Variants in RAB3GAP2 observed in about 807,000 individuals in gnomAD.
RAB3GAP2 encodes the protein RAB3 GTPase activating non-catalytic protein subunit 2.
RAB3GAP2 carries 87 observed loss-of-function variants against 185.3 expected under a neutral mutation model. The observed-to-expected ratio is 0.47, with a 90% confidence interval of 0.39 to 0.56. The LOEUF is 0.56. Among genes scored for constraint, RAB3GAP2 ranks in the 20% least tolerant of loss-of-function variants. The pLI is 0.00. For missense variants in RAB3GAP2, 1,492 were observed against 1,638.2 expected (o/e 0.91, Z 1.54); for synonymous variants, 554 against 576.1 (o/e 0.96, Z 0.55).
intron 1 of RAB3GAP2, among the ~76,000 whole-genome samples, chr1:220,234,712 T>C (rs1659561061): frequency 1.3e-5 from 2 of 152,076 alleles, no homozygotes; most frequent in South Asian, 4.1e-4. Flanking sequence ...AACCATAATA[T>C]ATGGTGAGTG....
chr1:220,151,386 G>T lies in RAB3GAP2; in HGVS notation c.4047C>A (p.Asn1349Lys). Residue 1349 changes from asparagine (N) to lysine (K), a missense_variant, in exon 35 of 35, where the codon AAC becomes AAA. Transcript: ENST00000358951. ...LKAMDPQDLQ[N>K]TEVPIATTAK... is the part of the protein sequence containing the mutation. ...CTGTTGTTGCAATTGGCACTTCAGT[G>T]TTTTGAAGGTCCTGGGGGTCCTGCA... is the stretch of plus-strand genomic sequence containing the variant. 6.2e-7 allele frequency: 1 copy of T among 1,614,150 alleles called. No individual in the cohort carries two copies. The highest frequency in any genetic ancestry group is 8.5e-7 in the Non-Finnish European group (1 of 1,180,018).
chr1:220,215,587 C>G (rs1659178357), intron 2 of RAB3GAP2, among the ~76,000 whole-genome samples: 1 of 152,060 alleles, frequency 6.6e-6, no homozygotes, highest in African/African-American at 2.4e-5. Flanking sequence ...GGTTGATGCT[C>G]TTTTTCTAAT....
chr1:220,226,136 C>T (rs1201635279), intron 2 of RAB3GAP2, among the ~76,000 whole-genome samples: 1 of 152,136 alleles, frequency 6.6e-6, no homozygotes, highest in Non-Finnish European at 1.5e-5. Context: ...TGACCCAGAA[C>T]CTTCCTGTGA....
rs1388192912 is a variant in RAB3GAP2, at chr1:220,158,900, CA to C, written c.3261+485del. 6.6e-6 allele frequency among the ~76,000 whole-genome samples: 1 copy of C among 152,114 alleles called. No homozygotes were observed. Among genetic ancestry groups the C allele is most frequent in the Admixed American group, 6.6e-5 (1 of 15,264 alleles). ...AGAACACATCAGAAAAAGTCTTCAA[CA>C]ATGGAAGCTAGTACTATTAATTTCT... On this transcript the variant is annotated intron_variant, in intron 29 of 34. Transcript: ENST00000358951. The surrounding 1 kb of genome is among the most constrained non-coding windows in gnomAD (Gnocchi z 4.3).
chr1:220,164,049 T>G (rs1658016903), intron 27 of RAB3GAP2, among the ~76,000 whole-genome samples: 3 of 152,130 alleles, frequency 2.0e-5, no homozygotes, highest in Admixed American at 6.5e-5. Flanking sequence ...ATCTATTAAA[T>G]GGAATCTGTT....
At chr1:220,264,079 C>T (rs917701717) in intron 1 of RAB3GAP2, among the ~76,000 whole-genome samples, 2 of 151,648 alleles carry the variant, frequency 1.3e-5, no homozygotes, top group Non-Finnish European at 2.9e-5. Context: ...TTTACAAGTC[C>T]TTTATTCTCC....
chr1:220,254,703 T>C (rs911753740), intron 1 of RAB3GAP2, among the ~76,000 whole-genome samples: 5 of 152,058 alleles, frequency 3.3e-5, no homozygotes, highest in African/African-American at 1.2e-4. Context: ...TAATAGCTCC[T>C]TTTTTCTTTT....
intron 17 of RAB3GAP2, among the ~76,000 whole-genome samples, chr1:220,188,172 C>T (rs1658540184): frequency 6.6e-6 from 1 of 150,496 alleles, no homozygotes; most frequent in Admixed American, 6.6e-5. Context: ...AAAGAAAAAA[C>T]CTGTGATACA....
At chr1:220,268,024 T>C in intron 1 of RAB3GAP2, 1 of 510,486 alleles carries the variant, frequency 2.0e-6, no homozygotes. Flanking sequence ...AGGTGTTTTA[T>C]GTTTTTACAT....
Position 220,172,014 on chromosome 1 carries a change from A to T in RAB3GAP2, c.2452T>A (p.Ser818Thr). The change falls in exon 23 of 35, where the codon TCC (serine) becomes ACC (threonine). Residue 818 changes from serine to threonine, a missense_variant. Coordinates refer to ENST00000358951, the MANE Select transcript of RAB3GAP2 (RefSeq NM_012414.4). Reference sequence around the variant, plus strand: ...GTGCGCATCTGCTGCCACCATGGGGACACAGACTGAGAATCCCAGGTCTCA... The same window carrying T: ...GTGCGCATCTGCTGCCACCATGGGGTCACAGACTGAGAATCCCAGGTCTCA... ...IDETWDSQSV[S>T]PWWQQMRTAC... 2.5e-6 allele frequency: 4 copies of T among 1,614,192 alleles called. No homozygotes were observed. Among genetic ancestry groups the T allele is most frequent in the Non-Finnish European group, 3.4e-6 (4 of 1,180,012 alleles).
rs1657811288 is a variant in RAB3GAP2, at chr1:220,154,007, A to G, written c.3606T>C (p.Ser1202=). The change falls in exon 32 of 35, where the codon AGT becomes AGC. Residue 1202 remains serine, a synonymous_variant. Coordinates refer to ENST00000358951, the MANE Select transcript of RAB3GAP2 (RefSeq NM_012414.4). ...KDLTSIQLLP[S]GEMDPNFISV... ...AAATAAAATTTGGATCCATTTCCCC[A>G]CTAGGTAATAACTGAATTGAAGTTA... 6.2e-7 allele frequency: 1 copy of G among 1,613,638 alleles called. No individual in the cohort carries two copies. Among genetic ancestry groups the G allele is most frequent in the Non-Finnish European group, 8.5e-7 (1 of 1,179,812 alleles).
chr1:220,187,158 T>C (rs902223137), intron 17 of RAB3GAP2, among the ~76,000 whole-genome samples: 1 of 152,182 alleles, frequency 6.6e-6, no homozygotes, highest in African/African-American at 2.4e-5. Context: ...AGCTATAAAA[T>C]AATAAGAAAT....
chr1:220,157,426 G>A lies in RAB3GAP2; in HGVS notation c.3399C>T (p.Ser1133=), dbSNP rs372398660. 1.2e-5 allele frequency: 20 copies of A among 1,613,742 alleles called. No individual in the cohort carries two copies. The highest frequency in any genetic ancestry group is 1.7e-4 in the Middle Eastern group (1 of 6,050). ...PVLDTEDAWL[S]VEGPISIVEL... is the part of the protein sequence containing the mutation. ...CCACTATGGAGATTGGTCCTTCCAC[G>A]GAGAGCCACGCATCCTCAGTATCCA... Residue 1133 remains serine, a synonymous_variant, in exon 31 of 35, where the codon TCC becomes TCT. Transcript: ENST00000358951.
At position 220,267,586 on chromosome 1, in the gene RAB3GAP2, C is replaced by G. The variant is rs1660252251; in HGVS notation, c.115+4637G>C. 2.0e-5 allele frequency: 28 copies of G among 1,368,374 alleles called. No individual in the cohort carries two copies. The South Asian group carries it at 3.0e-4, about 15-fold the overall frequency. 84.8% of individuals were successfully genotyped at this position (1,368,374 alleles called of 1,614,324 possible). A position where few individuals can be genotyped will look rare whatever the true frequency, so the allele number is the denominator to read the frequency against. ...TTCTGTTTTGATGCCAGTTCCTCCT[C>G]AGGATTATTTTCAGGTGCCGACAGC... On this transcript the variant is annotated intron_variant, in intron 1 of 34. Coordinates refer to ENST00000358951, the MANE Select transcript of RAB3GAP2 (RefSeq NM_012414.4).
At chr1:220,245,814 G>A (rs1659800332) in intron 1 of RAB3GAP2, among the ~76,000 whole-genome samples, 1 of 152,340 alleles carries the variant, frequency 6.6e-6, no homozygotes, top group South Asian at 2.1e-4. Flanking sequence ...CAAGCAGCTG[G>A]AGATCTGAGA....
chr1:220,188,770 A>T (rs1658552997), intron 17 of RAB3GAP2, among the ~76,000 whole-genome samples: 1 of 152,222 alleles, frequency 6.6e-6, no homozygotes, highest in Non-Finnish European at 1.5e-5. Flanking sequence ...TAATGTCAAA[A>T]ATCTGGAAAC....
Position 220,182,724 on chromosome 1 carries a change from C to A in RAB3GAP2, c.2206G>T (p.Ala736Ser), listed in dbSNP as rs1457523221. The A allele has an allele frequency of 1.3e-6, 2 of 1,591,990 alleles. No individual in the cohort carries two copies. Among genetic ancestry groups the A allele is most frequent in the Non-Finnish European group, 1.7e-6 (2 of 1,171,414 alleles). ...IKKISEEEYV[A>S]LGSFFFWKCL... is the part of the protein sequence containing the mutation. The stretch of plus-strand genomic sequence containing the variant: ...AGTGTATTATTTTACCTACCTAAAG[C>A]CACATATTCCTCTTCACTTATTTTC... The change falls in exon 20 of 35, where the codon GCT becomes TCT. Residue 736 changes from alanine (A) to serine (S), a missense_variant. Around this residue, in one of 5 missense-constraint regions of RAB3GAP2, gnomAD observed 681 missense variants for 689.1 expected, o/e 0.99. Coordinates refer to ENST00000358951, the MANE Select transcript of RAB3GAP2 (RefSeq NM_012414.4).
intron 26 of RAB3GAP2, 134 bp downstream of exon 26, chr1:220,167,159 C>A: frequency 3.8e-6 from 3 of 789,088 alleles, no homozygotes; most frequent in Non-Finnish European, 4.4e-6. Flanking sequence ...AAGGTCTACC[C>A]TAGTTAGTAC....
At chr1:220,176,595 G>A (rs1658294318) in intron 21 of RAB3GAP2, among the ~76,000 whole-genome samples, 1 of 152,172 alleles carries the variant, frequency 6.6e-6, no homozygotes, top group Non-Finnish European at 1.5e-5. Flanking sequence ...TCAGCAGTGG[G>A]CTGGAAAGTA....
Sources: allele counts gnomAD v4.1 joint callset (sites outside exome capture counted in the v4.1 genomes callset), GRCh38; gene constraint gnomAD v4.1.1; regional missense constraint gnomAD v4.1.1; non-coding constraint Gnocchi (gnomAD v3.1); transcripts MANE v1.5; gene names NCBI Gene and HGNC (gene_info 2026-07-23, HGNC 2026-07-21).